The following ZER1 variants were observed in gnomAD, a reference collection of about 807,000 sequenced individuals.
The protein encoded by ZER1 is protein zer-1 homolog.
ZER1 carries 11 observed loss-of-function variants against 78.8 expected under a neutral mutation model. That is an observed-to-expected ratio of 0.14 (90% confidence interval 0.09 to 0.23). ZER1 has a LOEUF of 0.23. Among genes scored for constraint, ZER1 ranks in the 10% least tolerant of loss-of-function variants. ZER1 has a pLI of 1.00. For synonymous variants in ZER1, 400 were observed against 407.0 expected (o/e 0.98, Z 0.21); for missense variants, 588 against 996.9 (o/e 0.59, Z 5.52).
chr9:128,764,265 G>T (rs532525135), intron 1 of ZER1, among the ~76,000 whole-genome samples: 1 of 152,314 alleles, frequency 6.6e-6, no homozygotes, highest in South Asian at 2.1e-4. Context: ...CGCCATCAGA[G>T]GTCTGCACGA....
chr9:128,745,478 C>T (rs1863458256), intron 8 of ZER1, among the ~76,000 whole-genome samples: 1 of 152,032 alleles, frequency 6.6e-6, no homozygotes, highest in East Asian at 1.9e-4. Flanking sequence ...CCGTCTCAGC[C>T]TCCCAAGTAG....
chr9:128,731,437 T>TGGGGGGGTTTGGGGGGGGGGGGTGGGGG, intron 15 of ZER1, 43 bp from the exon 16 acceptor site: 1 of 451,594 alleles, frequency 2.2e-6, no homozygotes, highest in Non-Finnish European at 4.3e-6. Flanking sequence ...TGGGCTTGGG[T>TGGGGGGGTTTGGGGGGGGGGGGTGGGGG]GGGGGTGAGC....
At chr9:128,766,795 G>A (rs573223852) in intron 1 of ZER1, among the ~76,000 whole-genome samples, 43 of 126,792 alleles carry the variant, frequency 3.4e-4, no homozygotes, top group Non-Finnish European at 5.4e-4. Context: ...GCAGTGAGCC[G>A]AGATTGCACC....
At chr9:128,757,681 C>T (rs10988111) in intron 1 of ZER1, among the ~76,000 whole-genome samples, 71,213 of 151,984 alleles carry the variant, frequency 0.47, 18,422 homozygotes, top group Non-Finnish European at 0.57. Flanking sequence ...ACTGGCTCAA[C>T]TGAACGCAAC....
chr9:128,767,405 C>T (rs766299871), intron 1 of ZER1, among the ~76,000 whole-genome samples: 7 of 151,948 alleles, frequency 4.6e-5, no homozygotes, highest in Non-Finnish European at 1.0e-4. Flanking sequence ...ACCAACAGAC[C>T]TGGCTAATTT....
chr9:128,735,573 C>T, intron 13 of ZER1, 142 bp from the exon 14 acceptor site: 1 of 768,892 alleles, frequency 1.3e-6, no homozygotes, highest in East Asian at 2.8e-5. Context: ...GGACAGCTGG[C>T]CCTGCATCCC....
intron 1 of ZER1, among the ~76,000 whole-genome samples, chr9:128,760,564 T>C (rs1161300560): frequency 6.6e-6 from 1 of 152,042 alleles, no homozygotes; most frequent in African/African-American, 2.4e-5. Flanking sequence ...GACCCAGTTA[T>C]ACAATTCACT....
chr9:128,768,579 C>T (rs997171665), intron 1 of ZER1, among the ~76,000 whole-genome samples: 1 of 152,150 alleles, frequency 6.6e-6, no homozygotes, highest in African/African-American at 2.4e-5. Context: ...GGGGTTCTAC[C>T]CACAACAGCC....
chr9:128,742,409 A>G (rs749533919), intron 9 of ZER1, 121 bp downstream of exon 9: 2 of 1,151,060 alleles, frequency 1.7e-6, no homozygotes, highest in Non-Finnish European at 2.5e-6. Context: ...CTCATGCTTC[A>G]GCACACTCTC....
chr9:128,731,437 T>TGGGGGGGTGGGGGG, intron 15 of ZER1, 43 bp from the exon 16 acceptor site: 12 of 451,526 alleles, frequency 2.7e-5, no homozygotes, highest in Non-Finnish European at 3.9e-5. Context: ...TGGGCTTGGG[T>TGGGGGGGTGGGGGG]GGGGGTGAGC....
intron 8 of ZER1, among the ~76,000 whole-genome samples, chr9:128,749,933 C>T (rs1391173652): frequency 2.0e-5 from 3 of 152,174 alleles, no homozygotes; most frequent in Non-Finnish European, 4.4e-5. Flanking sequence ...ATCCCAGCTA[C>T]TCGGGAGGCT....
chr9:128,739,806 A>G (rs1035000235), intron 13 of ZER1, 125 bp downstream of exon 13: 19 of 1,233,038 alleles, frequency 1.5e-5, no homozygotes, highest in Non-Finnish European at 2.1e-5. Flanking sequence ...AATGAGTGAA[A>G]GCAGAACCCT....
chr9:128,750,196 C>T (rs1350490873), intron 8 of ZER1, among the ~76,000 whole-genome samples: 2 of 152,162 alleles, frequency 1.3e-5, no homozygotes, highest in African/African-American at 2.4e-5. Context: ...CAATTGATAT[C>T]CCATGTTAAT....
At chr9:128,733,568 C>G in intron 14 of ZER1, 40 bp from the exon 15 acceptor site, 1 of 1,579,068 alleles carries the variant, frequency 6.3e-7, no homozygotes, top group Non-Finnish European at 8.7e-7. Context: ...CAGGATGGGT[C>G]TTCTTATCAG....
chr9:128,747,084 A>C (rs1345448103), intron 8 of ZER1, among the ~76,000 whole-genome samples: 1 of 151,996 alleles, frequency 6.6e-6, no homozygotes. Flanking sequence ...CTGTAGTCCC[A>C]GCTACTCAGG....
Position 128,740,651 on chromosome 9 carries a change from T to C in ZER1, c.1853+121A>G, listed in dbSNP as rs572595969. 28 of 612,396 alleles carry C rather than the reference T, an allele frequency of 4.6e-5. No individual in the cohort carries two copies. The highest frequency in any genetic ancestry group is 7.7e-5 in the Non-Finnish European group (26 of 336,860). The allele number at this position is 612,396 out of a possible 1,614,324, so 37.9% of individuals were successfully genotyped here. On this transcript the variant is annotated intron_variant, in intron 12 of 15. Transcript: ENST00000291900. The surrounding 1 kb of genome is among the most constrained non-coding windows in gnomAD (Gnocchi z 4.4). ...ATTGAATGAATAAGAAACCACATTA[T>C]CGAGGGAAAATGACATTTATAGCAA... is the stretch of plus-strand genomic sequence containing the variant.
Position 128,751,370 on chromosome 9 carries a change from C to T in ZER1, c.1038+43G>A. ...CCCAGAATCCAGCTCCTTCTCTCTC[C>T]CAAGGCTCCCTGGCCCAGACCCATC... On this transcript the variant is annotated intron_variant, in intron 6 of 15. Coordinates refer to ENST00000291900, the MANE Select transcript of ZER1 (RefSeq NM_006336.4). This position sits in a 1 kb window ranked among gnomAD's most constrained non-coding sequence, Gnocchi z 5.4. 1 of 1,613,548 alleles carries T rather than the reference C, an allele frequency of 6.2e-7. No homozygotes were observed.
intron 1 of ZER1, among the ~76,000 whole-genome samples, chr9:128,759,482 A>G (rs1320874511): frequency 6.7e-6 from 1 of 149,192 alleles, no homozygotes; most frequent in African/African-American, 2.5e-5. Flanking sequence ...TGGCCCGAAT[A>G]TTGTAATTGA....
upstream of ZER1, among the ~76,000 whole-genome samples, chr9:128,772,096 C>A (rs1018250179): frequency 1.3e-3 from 199 of 152,360 alleles, no homozygotes; most frequent in African/African-American, 4.4e-3. Flanking sequence ...GGATGCCCCC[C>A]CCAGGCCACC....
Sources: allele counts gnomAD v4.1 joint callset (sites outside exome capture counted in the v4.1 genomes callset), GRCh38; gene constraint gnomAD v4.1.1; non-coding constraint Gnocchi (gnomAD v3.1); transcripts MANE v1.5; gene names NCBI Gene and HGNC (gene_info 2026-07-23, HGNC 2026-07-21).